CCDC171: variants seen among roughly 807,000 people sequenced by gnomAD.
CCDC171 encodes the protein coiled-coil domain-containing protein 171.
In CCDC171, 177 loss-of-function variants were observed where a neutral mutation model predicts 168.2. The observed-to-expected ratio is 1.05, with a 90% CI of 0.93 to 1.19. CCDC171 has a LOEUF of 1.19. CCDC171 is among the 50% of genes most tolerant of loss of function. The pLI, the probability that CCDC171 is intolerant of heterozygous loss-of-function variation, is 0.00. For missense variants in CCDC171, 1,991 were observed against 1,539.0 expected (o/e 1.29, Z -4.91); for synonymous variants, 687 against 540.8 (o/e 1.27, Z -3.75).
At chr9:16,083,455 C>T in the CCDC171 span, among the ~76,000 whole-genome samples, 3 of 152,086 alleles carry the variant, frequency 2.0e-5, no homozygotes, top group African/African-American at 4.8e-5. Flanking sequence ...AGAATATTTC[C>T]TCTTGAAATT....
rs540500537 is a variant in CCDC171 at position 15,578,377 on chromosome 9, G to A, written c.178-472G>A. Among the ~76,000 whole-genome samples the A allele has an allele frequency of 7.4e-5, 11 of 149,494 alleles. No individual in the cohort carries two copies. In the South Asian group the frequency reaches 2.3e-3, roughly 32 times the overall value. Reference sequence around the variant, plus strand: ...AGCCTCCTGAGTAGCTGAGACTACAGGTGCACACCACCATGCCTGGTTAAT... The same window carrying A: ...AGCCTCCTGAGTAGCTGAGACTACAAGTGCACACCACCATGCCTGGTTAAT... On this transcript the variant is annotated intron_variant, in intron 3 of 25. Transcript: ENST00000380701.
At chr9:15,745,440 C>T (rs1207534768) in intron 17 of CCDC171, 75 bp from the exon 18 acceptor site, 3 of 841,758 alleles carry the variant, frequency 3.6e-6, no homozygotes, top group Non-Finnish European at 5.4e-6. Context: ...AATAGCTGAA[C>T]ACTGCTACGA....
intron 25 of CCDC171, among the ~76,000 whole-genome samples, chr9:15,954,154 T>TC (rs1383782788): frequency 6.6e-6 from 1 of 151,350 alleles, no homozygotes; most frequent in Non-Finnish European, 1.5e-5. Flanking sequence ...TTACTTTCTT[T>TC]TTTTTTTTTT....
At chr9:15,840,645 G>A (rs184043636) in intron 21 of CCDC171, among the ~76,000 whole-genome samples, 119 of 152,204 alleles carry the variant, frequency 7.8e-4, no homozygotes, top group African/African-American at 2.7e-3. Flanking sequence ...TTTATACTCA[G>A]AAAACATTAC....
intron 6 of CCDC171, among the ~76,000 whole-genome samples, chr9:15,613,022 A>G (rs564360479): frequency 8.5e-5 from 13 of 152,256 alleles, no homozygotes; most frequent in African/African-American, 1.9e-4. Context: ...TGGGGGTTCT[A>G]TATACAAATT....
At chr9:15,889,876 G>C (rs562136767) in intron 24 of CCDC171, among the ~76,000 whole-genome samples, 4 of 152,212 alleles carry the variant, frequency 2.6e-5, no homozygotes, top group African/African-American at 9.6e-5. Flanking sequence ...CTTGTTGTGA[G>C]TCCAGTGGCT....
intron 7 of CCDC171, among the ~76,000 whole-genome samples, chr9:15,646,631 A>G (rs1331149507): frequency 7.5e-6 from 1 of 133,692 alleles, no homozygotes. Context: ...CTTTAAACCA[A>G]CAAAGATCAA....
the CCDC171 span, among the ~76,000 whole-genome samples, chr9:16,083,590 G>C: frequency 1.3e-5 from 2 of 152,166 alleles, no homozygotes; most frequent in Non-Finnish European, 2.9e-5. Flanking sequence ...AATCATTTCT[G>C]TGTTGTTAAG....
chr9:16,012,808 T>C lies in CCDC171; in HGVS notation n.369-7781T>C, dbSNP rs534379687. On this transcript the variant is annotated intron_variant and non_coding_transcript_variant, in intron 3 of 9. Transcript: ENST00000486641. ...GTGTCTGGGATTCCTTTGTTATTTG[T>C]TCATGGATGATAGGTAGCATTGCTG... is the stretch of plus-strand genomic sequence containing the variant. Among the ~76,000 whole-genome samples the C allele has an allele frequency of 3.3e-5, 5 of 152,290 alleles. No individual in the cohort carries two copies. In the East Asian group the frequency reaches 9.7e-4, roughly 29 times the overall value.
At chr9:15,619,824 T>A (rs1239264376) in intron 6 of CCDC171, among the ~76,000 whole-genome samples, 2 of 152,174 alleles carry the variant, frequency 1.3e-5, no homozygotes, top group African/African-American at 4.8e-5. Flanking sequence ...ACAGGATGAC[T>A]CTCTGGTTAG....
chr9:15,985,044 A>G (rs1020936069), intron 3 of CCDC171, among the ~76,000 whole-genome samples: 26 of 152,276 alleles, frequency 1.7e-4, no homozygotes, highest in Admixed American at 1.6e-3. Flanking sequence ...AGAATTATGA[A>G]TAATTTTTAT....
intron 7 of CCDC171, among the ~76,000 whole-genome samples, chr9:15,644,039 T>C (rs2046841949): frequency 6.6e-6 from 1 of 152,196 alleles, no homozygotes; most frequent in Non-Finnish European, 1.5e-5. Flanking sequence ...TATAAACTTT[T>C]GTGCATAATT....
chr9:15,800,488 G>C (rs2058769744), intron 21 of CCDC171, among the ~76,000 whole-genome samples: 1 of 151,956 alleles, frequency 6.6e-6, no homozygotes, highest in Admixed American at 6.6e-5. Flanking sequence ...AGTTGTTTGA[G>C]CTCCTTGTAT....
At chr9:15,905,779 G>A (rs999706142) in intron 24 of CCDC171, among the ~76,000 whole-genome samples, 7 of 151,998 alleles carry the variant, frequency 4.6e-5, no homozygotes, top group Non-Finnish European at 7.4e-5. Flanking sequence ...CTGCTAGCAA[G>A]ACTAATAAAG....
intron 3 of CCDC171, among the ~76,000 whole-genome samples, chr9:15,991,815 A>G (rs1375388057): frequency 2.0e-5 from 3 of 152,196 alleles, no homozygotes; most frequent in Non-Finnish European, 4.4e-5. Flanking sequence ...ACACAAATAA[A>G]CTAGAAAATC....
At chr9:15,776,115 GCTA>G (rs1220814799) in intron 18 of CCDC171, 2 of 151,896 alleles carry the variant, frequency 1.3e-5, no homozygotes, top group Admixed American at 1.3e-4. Flanking sequence ...GCCATATAAA[GCTA>G]CTTAGTTCTT....
chr9:15,948,249 A>C (rs1051577823), intron 25 of CCDC171, among the ~76,000 whole-genome samples: 26 of 150,070 alleles, frequency 1.7e-4, no homozygotes, highest in African/African-American at 5.4e-4. Context: ...GGTTGGTTCC[A>C]AGTCTTTGCT....
At chr9:15,957,703 A>T (rs1829939953) in intron 25 of CCDC171, among the ~76,000 whole-genome samples, 1 of 152,208 alleles carries the variant, frequency 6.6e-6, no homozygotes, top group Admixed American at 6.5e-5. Flanking sequence ...GAGTATGAAA[A>T]TTGACAATTA....
At chr9:15,790,112 C>T (rs1318214366) in intron 21 of CCDC171, among the ~76,000 whole-genome samples, 2 of 152,120 alleles carry the variant, frequency 1.3e-5, no homozygotes. Context: ...TGGGTATATA[C>T]CCAGTAATGG....
Sources: allele counts gnomAD v4.1 joint callset (sites outside exome capture counted in the v4.1 genomes callset), GRCh38; gene constraint gnomAD v4.1.1; transcripts MANE v1.5; gene names NCBI Gene and HGNC (gene_info 2026-07-23, HGNC 2026-07-21).